The following CTNNAL1 variants were observed in gnomAD, a reference collection of about 807,000 sequenced individuals.
CTNNAL1 encodes catenin alpha like 1.
A neutral mutation model predicts 93.6 loss-of-function variants in CTNNAL1; 69 were observed. That is an observed-to-expected ratio of 0.74 (90% CI 0.61 to 0.90). The LOEUF is 0.90. Among genes scored for constraint, CTNNAL1 ranks in the 40% least tolerant of loss-of-function variants. The pLI is 0.00. For missense variants in CTNNAL1, 836 were observed against 862.0 expected (o/e 0.97, Z 0.38); for synonymous variants, 286 against 305.4 (o/e 0.94, Z 0.66).
In CTNNAL1 at chr9:108,952,076, A is replaced by G. The variant is rs62575187; in HGVS notation, c.1835+133T>C. On this transcript the variant is annotated intron_variant, in intron 14 of 18. Coordinates refer to ENST00000325551, the MANE Select transcript of CTNNAL1 (RefSeq NM_003798.4). ...TGCATTCACTTACGTAAATTGTCAT[A>G]GTAACTACTTTTAGTCTTTTTACCA... is the stretch of plus-strand genomic sequence containing the variant. 3,473 of 680,928 alleles carry G rather than the reference A, an allele frequency of 5.1e-3. 11 individuals carry two copies. Among genetic ancestry groups the G allele is most frequent in the Non-Finnish European group, 6.8e-3 (2,893 of 427,474 alleles). The allele number at this position is 680,928 out of a possible 1,614,324, so 42.2% of individuals were successfully genotyped here.
Position 108,969,043 on chromosome 9 carries a change from G to T in CTNNAL1, c.1440+1359C>A, listed in dbSNP as rs1219687278. Among the ~76,000 whole-genome samples, 3 of 152,022 alleles carry T rather than the reference G, an allele frequency of 2.0e-5. No individual in the cohort carries two copies. The South Asian group carries it at 6.2e-4, about 31-fold the overall frequency. ...TCCCAGCACTTTGGGAGGCCGAGGC[G>T]GGGGGATCATGAGGTCAGGGGTTTC... is the stretch of plus-strand genomic sequence containing the variant. On this transcript the variant is annotated intron_variant, in intron 10 of 18. Coordinates refer to ENST00000325551, the MANE Select transcript of CTNNAL1 (RefSeq NM_003798.4).
intron 2 of CTNNAL1, among the ~76,000 whole-genome samples, chr9:108,998,827 C>T (rs1353802615): frequency 6.6e-6 from 1 of 152,202 alleles, no homozygotes; most frequent in African/African-American, 2.4e-5. Flanking sequence ...TCTCACATCT[C>T]AATGGCTGAT....
intron 1 of CTNNAL1, among the ~76,000 whole-genome samples, chr9:109,012,233 T>C (rs915459396): frequency 3.3e-5 from 5 of 152,214 alleles, no homozygotes; most frequent in Non-Finnish European, 5.9e-5. Flanking sequence ...GAAGAGATAA[T>C]AGCATTTAGA....
At chr9:108,976,092 CACA>C (rs1189123973) in intron 8 of CTNNAL1, among the ~76,000 whole-genome samples, 31 of 152,266 alleles carry the variant, frequency 2.0e-4, no homozygotes, top group African/African-American at 7.5e-4. Context: ...GCCATGTAAT[CACA>C]ACAACTAATT....
intron 14 of CTNNAL1, among the ~76,000 whole-genome samples, chr9:108,948,625 A>C (rs552979788): frequency 1.3e-5 from 2 of 152,304 alleles, no homozygotes; most frequent in African/African-American, 2.4e-5. Flanking sequence ...TTCACTTCTA[A>C]TTCTTATTTC....
Position 108,951,424 on chromosome 9 carries a change from C to T in CTNNAL1, c.1835+785G>A, listed in dbSNP as rs942970065. On this transcript the variant is annotated intron_variant, in intron 14 of 18. Transcript: ENST00000325551. ...TGAAGCAACCTGCAGGTGTGTCCCA[C>T]GGTGGATAACCTTTCCAAAATCAGA... Among the ~76,000 whole-genome samples, 19 of 152,036 alleles carry T rather than the reference C, an allele frequency of 1.2e-4. 1 individual carries two copies. The highest frequency in any genetic ancestry group is 5.2e-4 in the Admixed American group (8 of 15,262).
intron 8 of CTNNAL1, 32 bp from the exon 9 acceptor site, chr9:108,972,865 A>AACCG: frequency 4.6e-6 from 1 of 219,280 alleles, no homozygotes; most frequent in Non-Finnish European, 6.2e-6. Context: ...GGGGGGTGGG[A>AACCG]GGGTGGAGAA....
At chr9:108,983,525 C>T (rs1831503698) in intron 5 of CTNNAL1, among the ~76,000 whole-genome samples, 2 of 152,064 alleles carry the variant, frequency 1.3e-5, no homozygotes, top group South Asian at 4.1e-4. Context: ...GAGTGCAAAA[C>T]TATACCTTTA....
chr9:108,950,831 T>A (rs947821843), intron 14 of CTNNAL1: 1 of 456,146 alleles, frequency 2.2e-6, no homozygotes, highest in Non-Finnish European at 3.8e-6. Flanking sequence ...ATTGTGTCCC[T>A]ATGAGGTAAG....
chr9:108,965,558 AT>A, intron 10 of CTNNAL1, 30 bp from the exon 11 acceptor site: 1 of 1,368,966 alleles, frequency 7.3e-7, no homozygotes, highest in Non-Finnish European at 9.7e-7. Flanking sequence ...ACCTGTGTGA[AT>A]TTCAAAATCT....
At chr9:109,000,100 C>T (rs992372755) in intron 1 of CTNNAL1, among the ~76,000 whole-genome samples, 5 of 152,266 alleles carry the variant, frequency 3.3e-5, no homozygotes, top group African/African-American at 1.2e-4. Context: ...GTGCCAAGCA[C>T]TTTATATGTA....
intron 8 of CTNNAL1, among the ~76,000 whole-genome samples, chr9:108,975,258 G>T (rs1418315972): frequency 6.6e-6 from 1 of 152,006 alleles, no homozygotes; most frequent in East Asian, 1.9e-4. Flanking sequence ...GAGCTGCTGG[G>T]TGCCCACTGT....
intron 10 of CTNNAL1, among the ~76,000 whole-genome samples, chr9:108,967,188 A>AT (rs1464341707): frequency 6.6e-6 from 1 of 152,162 alleles, no homozygotes; most frequent in African/African-American, 2.4e-5. Flanking sequence ...GGATAAGGTG[A>AT]TAAAAAAAGA....
rs1164976740 is a variant in CTNNAL1 at position 109,013,285 on chromosome 9, G to A, written c.141+17C>T. On this transcript the variant is annotated intron_variant, in intron 1 of 18. Transcript: ENST00000325551. ...CGGCGGGAAGGAGAAGAGGGGCCGC[G>A]CCAGGCGCCACTTTACCTGAGAAAC... The A allele has an allele frequency of 6.7e-7, 1 of 1,482,162 alleles. No homozygotes were observed. The highest frequency in any genetic ancestry group is 9.0e-7 in the Non-Finnish European group (1 of 1,115,740). The allele number at this position is 1,482,162 out of a possible 1,614,324, so 91.8% of individuals were successfully genotyped here.
intron 7 of CTNNAL1, among the ~76,000 whole-genome samples, chr9:108,977,793 T>G (rs1831306497): frequency 1.3e-5 from 2 of 152,208 alleles, no homozygotes; most frequent in African/African-American, 4.8e-5. Flanking sequence ...AATATAAATT[T>G]GTCCTCCTTC....
intron 11 of CTNNAL1, among the ~76,000 whole-genome samples, chr9:108,959,142 G>A (rs1037811753): frequency 2.7e-5 from 4 of 150,760 alleles, no homozygotes; most frequent in African/African-American, 9.8e-5. Context: ...GGCAGATTAT[G>A]AGGTCAGGAG....
At chr9:108,959,409 G>A (rs571972179) in intron 11 of CTNNAL1, among the ~76,000 whole-genome samples, 7 of 142,338 alleles carry the variant, frequency 4.9e-5, no homozygotes, top group African/African-American at 7.9e-5. Flanking sequence ...GTATCACAGC[G>A]AGACTCCCAT....
At chr9:109,007,892 A>C (rs191367605) in intron 1 of CTNNAL1, among the ~76,000 whole-genome samples, 1 of 152,168 alleles carries the variant, frequency 6.6e-6, no homozygotes, top group African/African-American at 2.4e-5. Flanking sequence ...TAACTATTGT[A>C]CATACAGTAT....
At chr9:109,002,993 C>CA (rs34499335) in intron 1 of CTNNAL1, among the ~76,000 whole-genome samples, 20 of 146,028 alleles carry the variant, frequency 1.4e-4, no homozygotes, top group South Asian at 8.8e-4. Context: ...AACTCCATCT[C>CA]AAAAAAAAAA....
Sources: gnomAD v4.1 joint callset for allele counts (sites outside exome capture counted in the v4.1 genomes callset) on GRCh38, gnomAD v4.1.1 for gene constraint, MANE v1.5 for transcripts, NCBI Gene and HGNC (gene_info 2026-07-23, HGNC 2026-07-21) for gene names.